Variants in HMGB1 observed in about 807,000 individuals in gnomAD.
HMGB1 encodes the protein high mobility group box 1, also known as high mobility group protein B1.
For missense variants in HMGB1, 79 were observed against 253.5 expected, an observed-to-expected ratio of 0.31 and a Z score of 4.67; for synonymous variants, 81 against 84.0, an observed-to-expected ratio of 0.96 and a Z score of 0.19.
At chr13:30,538,502 C>CTTTA (rs1388332954) in intron 1 of HMGB1, among the ~76,000 whole-genome samples, 21 of 122,792 alleles carry the variant, frequency 1.7e-4, no homozygotes, top group African/African-American at 7.2e-4. Context: ...TTCTTTCTTT[C>CTTTA]TTTCTTTCCT....
At chr13:30,579,346 C>G (rs201905551) in intron 1 of HMGB1, among the ~76,000 whole-genome samples, 2 of 152,178 alleles carry the variant, frequency 1.3e-5, no homozygotes, top group South Asian at 4.1e-4. Context: ...TTCTGTCACA[C>G]ACATGTGTAC....
In HMGB1 at chr13:30,464,211, A is replaced by C. The variant is rs73451924; in HGVS notation, c.-14-517T>G. On this transcript the variant is annotated intron_variant, in intron 1 of 4. Transcript: ENST00000341423. The stretch of plus-strand genomic sequence containing the variant: ...CCCTCTTTGCATAAAACTTTGCTCC[A>C]AAGAGGGAGCAGCAGCCAGCTCCGG... 3 of 985,196 alleles carry C rather than the reference A, an allele frequency of 3.0e-6. No individual in the cohort carries two copies. The African/African-American group carries it at 5.2e-5, about 17-fold the overall frequency. 61.0% of individuals were successfully genotyped at this position (985,196 alleles called of 1,614,324 possible).
intron 1 of HMGB1, among the ~76,000 whole-genome samples, chr13:30,589,037 C>T (rs1226550156): frequency 2.7e-5 from 4 of 146,190 alleles, no homozygotes; most frequent in African/African-American, 5.1e-5. Flanking sequence ...CGGAGTCTTG[C>T]TCTTGTTGCC....
At position 30,594,362 on chromosome 13, in the gene HMGB1, GC is replaced by G. The variant is rs200318476; in HGVS notation, c.-15+22308del. On this transcript the variant is annotated intron_variant, in intron 1 of 4. Coordinates refer to the HMGB1 transcript ENST00000405805. ...CCCAGCACGCAGTTTTTCAGCCCTT[GC>G]CCCCTCCCTCCCGCTCTCCCTCCTT... Among the ~76,000 whole-genome samples the G allele has an allele frequency of 3.4e-3, 515 of 152,158 alleles. 1 individual carries two copies. The highest frequency in any genetic ancestry group is 0.011 in the African/African-American group (455 of 41,520).
At chr13:30,586,846 G>A (rs1334191746) in intron 1 of HMGB1, among the ~76,000 whole-genome samples, 3 of 151,996 alleles carry the variant, frequency 2.0e-5, no homozygotes, top group Admixed American at 2.0e-4. Context: ...AACTTAATGT[G>A]TTCAAAATAA....
intron 4 of HMGB1, 79 bp from the exon 5 acceptor site, chr13:30,461,612 T>C: frequency 5.7e-6 from 9 of 1,576,514 alleles, no homozygotes; most frequent in Non-Finnish European, 7.8e-6. Context: ...CAGAACTTTA[T>C]GAAAGAAATC....
At chr13:30,510,886 A>C (rs552132128) in intron 1 of HMGB1, among the ~76,000 whole-genome samples, 1 of 152,310 alleles carries the variant, frequency 6.6e-6, no homozygotes, top group South Asian at 2.1e-4. Flanking sequence ...TTCTCTCCAA[A>C]TTCTATTCCT....
intron 1 of HMGB1, among the ~76,000 whole-genome samples, chr13:30,550,418 G>A (rs1359466446): frequency 1.3e-5 from 2 of 152,210 alleles, no homozygotes; most frequent in African/African-American, 4.8e-5. Context: ...CGACTGAATG[G>A]AATGAGAGTA....
At chr13:30,615,733 T>G (rs533667242) in intron 1 of HMGB1, among the ~76,000 whole-genome samples, 3 of 152,134 alleles carry the variant, frequency 2.0e-5, no homozygotes, top group Non-Finnish European at 4.4e-5. Flanking sequence ...CAAAGACTTG[T>G]ATTGTGGTTA....
chr13:30,555,235 G>T (rs1457431528), intron 1 of HMGB1, among the ~76,000 whole-genome samples: 1 of 151,902 alleles, frequency 6.6e-6, no homozygotes, highest in Non-Finnish European at 1.5e-5. Flanking sequence ...TAGAGATGGG[G>T]TTTCACCGTG....
upstream of HMGB1, among the ~76,000 whole-genome samples, chr13:30,470,420 C>T (rs1012630310): frequency 6.6e-6 from 1 of 152,108 alleles, no homozygotes; most frequent in South Asian, 2.1e-4. Context: ...GGATAGGTGC[C>T]AATTACATCT....
At chr13:30,474,754 CT>C (rs1887027850) in intron 1 of HMGB1, among the ~76,000 whole-genome samples, 2 of 136,774 alleles carry the variant, frequency 1.5e-5, no homozygotes, top group African/African-American at 2.8e-5. Flanking sequence ...GATGGTCTCT[CT>C]CTCCTTTTTT....
intron 1 of HMGB1, among the ~76,000 whole-genome samples, chr13:30,595,001 G>A (rs938238540): frequency 3.9e-5 from 6 of 152,086 alleles, no homozygotes; most frequent in East Asian, 1.9e-4. Context: ...GCATACAGAC[G>A]TTCTTTGTGT....
At chr13:30,602,180 C>G (rs1337305766) in intron 1 of HMGB1, among the ~76,000 whole-genome samples, 1 of 151,522 alleles carries the variant, frequency 6.6e-6, no homozygotes, top group Non-Finnish European at 1.5e-5. Flanking sequence ...GACACCAGCA[C>G]CACGGCCTCA....
At chr13:30,555,204 G>A (rs1869633074) in intron 1 of HMGB1, among the ~76,000 whole-genome samples, 2 of 151,886 alleles carry the variant, frequency 1.3e-5, no homozygotes, top group Admixed American at 6.6e-5. Flanking sequence ...ACCAAGCCTG[G>A]CTAATTTTTT....
At position 30,559,731 on chromosome 13, in the gene HMGB1, C is replaced by T. The variant is rs2137523044; in HGVS notation, c.-15+56940G>A. ...AAGATTTACAAAAATGTATTTCAGC[C>T]CAAGTCTCTCCATAACTACTAACAA... is the stretch of plus-strand genomic sequence containing the variant. On this transcript the variant is annotated intron_variant, in intron 1 of 4. Transcript: ENST00000405805. This position sits in a 1 kb window ranked among gnomAD's most constrained non-coding sequence, Gnocchi z 6.6. 6.6e-6 allele frequency among the ~76,000 whole-genome samples: 1 copy of T among 152,120 alleles called. No homozygotes were observed. The highest frequency in any genetic ancestry group is 1.5e-5 in the Non-Finnish European group (1 of 67,994).
intron 1 of HMGB1, among the ~76,000 whole-genome samples, chr13:30,494,510 C>T (rs990356766): frequency 6.6e-6 from 1 of 151,970 alleles, no homozygotes; most frequent in African/African-American, 2.4e-5. Flanking sequence ...TACAGGCGTG[C>T]GCCACCAAGC....
At chr13:30,574,313 G>C (rs1870555819) in intron 1 of HMGB1, among the ~76,000 whole-genome samples, 1 of 152,152 alleles carries the variant, frequency 6.6e-6, no homozygotes. Context: ...TATCACAACT[G>C]TTTGAAGTTC....
At chr13:30,538,763 TTCTC>T (rs900129772) in intron 1 of HMGB1, among the ~76,000 whole-genome samples, 13 of 147,258 alleles carry the variant, frequency 8.8e-5, no homozygotes, top group South Asian at 2.1e-4. Context: ...TTCTTTCTCT[TTCTC>T]TCTCTCTTTC....
Sources: gnomAD v4.1 joint callset for allele counts (sites outside exome capture counted in the v4.1 genomes callset) on GRCh38, gnomAD v4.1.1 for gene constraint, Gnocchi (gnomAD v3.1) non-coding constraint, MANE v1.5 for transcripts, NCBI Gene and HGNC (gene_info 2026-07-23, HGNC 2026-07-21) for gene names.